Variants in FAM114A1 observed in about 807,000 individuals in gnomAD.
The protein encoded by FAM114A1 is protein NOXP20.
A neutral mutation model predicts 64.3 loss-of-function variants in FAM114A1; 62 were observed. The ratio of observed to expected loss-of-function variants is 0.96; its 90% confidence interval spans 0.79 to 1.19. The LOEUF (loss-of-function observed/expected upper bound fraction) is 1.19, where lower values mean the gene tolerates loss of function less well. Ranked by LOEUF, FAM114A1 falls within the 50% of genes most tolerant of loss-of-function variation. The probability of loss-of-function intolerance (pLI) is 0.00; values close to 1 mark genes in which losing one functional copy is unlikely to be tolerated. For missense variants in FAM114A1, 645 were observed against 676.3 expected (o/e 0.95, Z 0.51); for synonymous variants, 254 against 251.1 (o/e 1.01, Z -0.11).
chr4:38,912,049 C>A (rs1018153805), intron 7 of FAM114A1, among the ~76,000 whole-genome samples: 1 of 151,558 alleles, frequency 6.6e-6, no homozygotes, highest in Non-Finnish European at 1.5e-5. Flanking sequence ...TTAGTAGAGA[C>A]GGGGTTTCAC....
intron 3 of FAM114A1, among the ~76,000 whole-genome samples, chr4:38,890,748 G>A (rs1484995197): frequency 6.6e-6 from 1 of 152,166 alleles, no homozygotes; most frequent in Non-Finnish European, 1.5e-5. Flanking sequence ...ATGAGTTTCA[G>A]CCATTTATTC....
At chr4:38,881,630 C>A (rs76509759) in intron 3 of FAM114A1, among the ~76,000 whole-genome samples, 1 of 152,142 alleles carries the variant, frequency 6.6e-6, no homozygotes, top group Non-Finnish European at 1.5e-5. Context: ...AACCATTCTA[C>A]GTAGGTGCAA....
At chr4:38,892,759 A>G (rs6835514) in intron 4 of FAM114A1, among the ~76,000 whole-genome samples, 45,789 of 152,160 alleles carry the variant, frequency 0.3, 7,480 homozygotes, top group Middle Eastern at 0.51. Flanking sequence ...ACCTTGCGAT[A>G]GGCCATGAAT....
intron 2 of FAM114A1, among the ~76,000 whole-genome samples, chr4:38,870,531 A>T (rs1224167531): frequency 1.3e-5 from 2 of 152,176 alleles, no homozygotes; most frequent in African/African-American, 4.8e-5. Context: ...TTAGGTGATG[A>T]ATGAATTTAC....
chr4:38,928,344 A>G (rs567609712), intron 9 of FAM114A1, among the ~76,000 whole-genome samples: 4 of 152,268 alleles, frequency 2.6e-5, no homozygotes, highest in Admixed American at 2.6e-4. Context: ...ATTCTTTGGC[A>G]CCTTTCAGAA....
At chr4:38,932,471 A>G in intron 12 of FAM114A1, 97 bp downstream of exon 12, 3 of 1,237,038 alleles carry the variant, frequency 2.4e-6, no homozygotes, top group Middle Eastern at 2.1e-4. Context: ...AAGCCACTAG[A>G]AGATTCAGGT....
intron 6 of FAM114A1, among the ~76,000 whole-genome samples, chr4:38,907,081 G>A (rs990232410): frequency 6.6e-5 from 10 of 152,176 alleles, no homozygotes; most frequent in African/African-American, 2.4e-4. Context: ...TCAAACATGA[G>A]AGGATCTCAC....
chr4:38,892,426 C>T (rs1169630455), intron 4 of FAM114A1, among the ~76,000 whole-genome samples: 1 of 152,000 alleles, frequency 6.6e-6, no homozygotes, highest in Non-Finnish European at 1.5e-5. Context: ...TCTTTGAAAA[C>T]AAAATTTTAA....
At chr4:38,873,467 A>G (rs947335624) in intron 2 of FAM114A1, among the ~76,000 whole-genome samples, 4 of 152,230 alleles carry the variant, frequency 2.6e-5, no homozygotes, top group African/African-American at 9.6e-5. Context: ...TACTATGTAG[A>G]ATATGAATAC....
intron 9 of FAM114A1, among the ~76,000 whole-genome samples, chr4:38,926,340 G>A (rs1806847): frequency 0.19 from 29,083 of 152,098 alleles, 3,050 homozygotes; most frequent in Middle Eastern, 0.3. Context: ...GGTGTGCCCA[G>A]CCCCTCTCAC....
At position 38,898,126 on chromosome 4, in the gene FAM114A1, A is replaced by G. The variant is rs144553981; in HGVS notation, c.436+6296A>G. ...ATAAGTATACAAAAGGAAGAGCTCT[A>G]TAGTAGAATACAGTAATTTATTTCT... On this transcript the variant is annotated intron_variant, in intron 4 of 14. Coordinates refer to ENST00000358869, the MANE Select transcript of FAM114A1 (RefSeq NM_138389.4). Among the ~76,000 whole-genome samples, 619 of 152,334 alleles carry G rather than the reference A, an allele frequency of 4.1e-3. 8 individuals carry two copies. The highest frequency in any genetic ancestry group is 0.014 in the African/African-American group (579 of 41,584).
chr4:38,878,663 C>T (rs562174315), intron 3 of FAM114A1, among the ~76,000 whole-genome samples: 2 of 152,286 alleles, frequency 1.3e-5, no homozygotes, highest in East Asian at 1.9e-4. Flanking sequence ...AGACACAAGC[C>T]GTGTGCCAGG....
In FAM114A1 at chr4:38,944,001, G is replaced by A. The variant is rs138341134; in HGVS notation, c.*444G>A. The A allele has an allele frequency of 1.4e-3, 220 of 152,002 alleles. No individual in the cohort carries two copies. Among genetic ancestry groups the A allele is most frequent in the African/African-American group, 4.7e-3 (192 of 41,038 alleles). 9.4% of individuals were successfully genotyped at this position (152,002 alleles called of 1,614,324 possible). ...AACTTTGTTTTGTTACATAAATGTC[G>A]CAGGCAAAAATAACACTACTTATAG... On this transcript the variant is annotated 3_prime_UTR_variant, in exon 15 of 15. Coordinates refer to ENST00000358869, the MANE Select transcript of FAM114A1 (RefSeq NM_138389.4).
intron 3 of FAM114A1, among the ~76,000 whole-genome samples, chr4:38,880,400 A>G (rs1268038546): frequency 1.3e-5 from 2 of 152,214 alleles, no homozygotes; most frequent in Non-Finnish European, 2.9e-5. Context: ...ATAACACTTC[A>G]AAAGTATCTG....
At chr4:38,915,443 C>A (rs1356273418) in intron 8 of FAM114A1, among the ~76,000 whole-genome samples, 1 of 152,190 alleles carries the variant, frequency 6.6e-6, no homozygotes, top group Non-Finnish European at 1.5e-5. Flanking sequence ...CATTCCTACC[C>A]AATGCAAACA....
In FAM114A1 at chr4:38,898,942, TTA is replaced by T. The variant is rs752643515; in HGVS notation, c.437-6576_437-6575del. On this transcript the variant is annotated intron_variant, in intron 4 of 14. Transcript: ENST00000358869. ...TATATGTTATATATATGTTATATATTTATATGTTATATATTATATATGTAATA... is the reference window on the plus strand; with the variant it reads ...TATATGTTATATATATGTTATATATTTATGTTATATATTATATATGTAATA... Among the ~76,000 whole-genome samples, 78 of 144,376 alleles carry T rather than the reference TTA, an allele frequency of 5.4e-4. 1 individual carries two copies. The East Asian group carries it at 7.0e-3, about 13-fold the overall frequency. 94.7% of individuals were successfully genotyped at this position (144,376 alleles called of 152,430 possible).
intron 4 of FAM114A1, among the ~76,000 whole-genome samples, chr4:38,893,329 C>T (rs1716576552): frequency 6.6e-6 from 1 of 152,204 alleles, no homozygotes; most frequent in Non-Finnish European, 1.5e-5. Context: ...ATAATATGGT[C>T]ACTAAAATTA....
chr4:38,873,994 A>G (rs750527438), intron 2 of FAM114A1, among the ~76,000 whole-genome samples: 5 of 152,290 alleles, frequency 3.3e-5, no homozygotes, highest in Middle Eastern at 3.4e-3. Flanking sequence ...ATGAACCATA[A>G]TGAGGACCTT....
intron 3 of FAM114A1, among the ~76,000 whole-genome samples, chr4:38,882,180 T>C (rs111471753): frequency 0.23 from 31,623 of 135,526 alleles, 3,746 homozygotes; most frequent in African/African-American, 0.26. Flanking sequence ...GGCGCGGTGG[T>C]GGGCGCCTGT....
Sources: gnomAD v4.1 joint callset for allele counts (sites outside exome capture counted in the v4.1 genomes callset) on GRCh38, gnomAD v4.1.1 for gene constraint, MANE v1.5 for transcripts, NCBI Gene and HGNC (gene_info 2026-07-23, HGNC 2026-07-21) for gene names.